Variants in LRRC3B observed in about 807,000 individuals in gnomAD.
LRRC3B encodes the protein leucine rich repeat containing 3B, also known as leucine-rich repeat-containing protein 3B.
In LRRC3B, 2 loss-of-function variants were observed where a neutral mutation model predicts 12.8. The observed-to-expected ratio is 0.16, with a 90% CI of 0.06 to 0.49. The LOEUF (loss-of-function observed/expected upper bound fraction) is 0.49. Among genes scored for constraint, LRRC3B ranks in the 20% least tolerant of loss-of-function variants. The pLI is 0.96. For missense variants in LRRC3B, 189 were observed against 319.4 expected (o/e 0.59, Z 3.11); for synonymous variants, 132 against 122.0 (o/e 1.08, Z -0.54).
intron 1 of LRRC3B, among the ~76,000 whole-genome samples, chr3:26,698,785 T>C (rs1700381150): frequency 6.6e-6 from 1 of 152,158 alleles, no homozygotes; most frequent in Non-Finnish European, 1.5e-5. Flanking sequence ...TACCCCAAAA[T>C]ACTTCAGTAT....
intron 1 of LRRC3B, among the ~76,000 whole-genome samples, chr3:26,626,181 T>C (rs991980274): frequency 6.6e-6 from 1 of 152,224 alleles, no homozygotes; most frequent in Non-Finnish European, 1.5e-5. Flanking sequence ...GGGGTACACC[T>C]TGGTATAGTG....
intron 1 of LRRC3B, among the ~76,000 whole-genome samples, chr3:26,666,155 A>G (rs530269854): frequency 4.9e-4 from 74 of 152,282 alleles, no homozygotes; most frequent in Non-Finnish European, 6.0e-4. Flanking sequence ...AGTACTGAGT[A>G]TGATCTGGAT....
At chr3:26,658,892 T>C (rs764627777) in intron 1 of LRRC3B, among the ~76,000 whole-genome samples, 8 of 152,176 alleles carry the variant, frequency 5.3e-5, no homozygotes, top group Admixed American at 1.3e-4. Flanking sequence ...ACAAATTACC[T>C]GAAAAAAGGA....
chr3:26,655,177 T>C (rs896989417), intron 1 of LRRC3B, among the ~76,000 whole-genome samples: 1 of 152,160 alleles, frequency 6.6e-6, no homozygotes, highest in Non-Finnish European at 1.5e-5. Context: ...AAATAAAAAT[T>C]GTTTCTTCTT....
At chr3:26,675,035 A>T (rs1699828782) in intron 1 of LRRC3B, among the ~76,000 whole-genome samples, 1 of 152,198 alleles carries the variant, frequency 6.6e-6, no homozygotes, top group Non-Finnish European at 1.5e-5. Flanking sequence ...AGGCAGAAAG[A>T]ACAAGAAATC....
At chr3:26,648,865 G>T (rs1452823934) in intron 1 of LRRC3B, among the ~76,000 whole-genome samples, 1 of 152,176 alleles carries the variant, frequency 6.6e-6, no homozygotes, top group Admixed American at 6.5e-5. Context: ...CTGTAATAAA[G>T]ACAATGAGTA....
chr3:26,647,449 A>G (rs1021184561), intron 1 of LRRC3B, among the ~76,000 whole-genome samples: 2 of 152,188 alleles, frequency 1.3e-5, no homozygotes, highest in Non-Finnish European at 2.9e-5. Flanking sequence ...TTGGAACTCT[A>G]AAAGAAGCAG....
rs1172817660 is a variant in LRRC3B, at chr3:26,678,058, C to G, written c.-160-31455C>G. Among the ~76,000 whole-genome samples, 8 of 152,092 alleles carry G rather than the reference C, an allele frequency of 5.3e-5. No homozygotes were observed. The East Asian group carries it at 1.5e-3, about 29-fold the overall frequency. The stretch of plus-strand genomic sequence containing the variant: ...TCTCAAACTCCTGGGTTCAAGTGAC[C>G]AACCTGCCTTGGCCTCCCAAAGTGC... On this transcript the variant is annotated intron_variant, in intron 1 of 1. Coordinates refer to ENST00000396641, the Ensembl canonical transcript of LRRC3B.
At chr3:26,698,188 A>G (rs920944497) in intron 1 of LRRC3B, among the ~76,000 whole-genome samples, 4 of 152,194 alleles carry the variant, frequency 2.6e-5, no homozygotes, top group African/African-American at 4.8e-5. Flanking sequence ...CTGAGAGTTT[A>G]TCTTGTAAAA....
At chr3:26,693,237 G>C (rs1700230296) in intron 1 of LRRC3B, among the ~76,000 whole-genome samples, 1 of 148,076 alleles carries the variant, frequency 6.8e-6, no homozygotes, top group Non-Finnish European at 1.5e-5. Context: ...GCTGAGGCAG[G>C]AGAATGGCGT....
In LRRC3B at chr3:26,702,882, G is replaced by A. The variant is rs563582324; in HGVS notation, c.-160-6631G>A. 4.6e-5 allele frequency among the ~76,000 whole-genome samples: 7 copies of A among 152,286 alleles called. No individual in the cohort carries two copies. The South Asian group carries it at 1.5e-3, about 32-fold the overall frequency. Reference sequence around the variant, plus strand: ...GGGAGGGAAGACAGGGTGGTCTACAGTGGAGGCGGGAGTCATTGGGTAAAG... The same window carrying A: ...GGGAGGGAAGACAGGGTGGTCTACAATGGAGGCGGGAGTCATTGGGTAAAG... On this transcript the variant is annotated intron_variant, in intron 1 of 1. Transcript: ENST00000396641.
chr3:26,636,675 T>A (rs1698879420), intron 1 of LRRC3B, among the ~76,000 whole-genome samples: 4 of 152,142 alleles, frequency 2.6e-5, no homozygotes, highest in Admixed American at 2.6e-4. Context: ...CAGGGGTGTT[T>A]CTAAATGTTA....
chr3:26,634,222 C>G (rs1041302105), intron 1 of LRRC3B, among the ~76,000 whole-genome samples: 5 of 152,192 alleles, frequency 3.3e-5, no homozygotes, highest in African/African-American at 1.2e-4. Context: ...GTCTTTCATG[C>G]CTTGCTGTGA....
At chr3:26,682,260 T>C (rs1281486971) in intron 1 of LRRC3B, among the ~76,000 whole-genome samples, 2 of 152,146 alleles carry the variant, frequency 1.3e-5, no homozygotes, top group African/African-American at 4.8e-5. Flanking sequence ...CTTGTCCAAC[T>C]GTTTTTCAAG....
intron 1 of LRRC3B, among the ~76,000 whole-genome samples, chr3:26,666,346 T>C (rs1011775307): frequency 1.3e-5 from 2 of 152,080 alleles, no homozygotes; most frequent in Non-Finnish European, 2.9e-5. Flanking sequence ...CAATTATTTT[T>C]TTCAGCCATA....
chr3:26,641,373 A>T (rs1368163349), intron 1 of LRRC3B, among the ~76,000 whole-genome samples: 1 of 152,212 alleles, frequency 6.6e-6, no homozygotes, highest in Non-Finnish European at 1.5e-5. Flanking sequence ...TAACACTGCC[A>T]GTCAGGAGAT....
At chr3:26,639,719 C>A (rs1280286861) in intron 1 of LRRC3B, among the ~76,000 whole-genome samples, 1 of 152,172 alleles carries the variant, frequency 6.6e-6, no homozygotes, top group Non-Finnish European at 1.5e-5. Flanking sequence ...TTTAAACTCA[C>A]TGGAAATGTT....
At chr3:26,650,638 C>A (rs1444685139) in intron 1 of LRRC3B, among the ~76,000 whole-genome samples, 2 of 152,060 alleles carry the variant, frequency 1.3e-5, no homozygotes, top group Non-Finnish European at 2.9e-5. Context: ...ATAAAATACC[C>A]CTTCTTTTCC....
chr3:26,647,256 C>A (rs188072218), intron 1 of LRRC3B, among the ~76,000 whole-genome samples: 33 of 152,270 alleles, frequency 2.2e-4, no homozygotes, highest in Non-Finnish European at 3.7e-4. Flanking sequence ...GGTTTTTCTT[C>A]ATGGCGTTTC....
Sources: allele counts gnomAD v4.1 joint callset (sites outside exome capture counted in the v4.1 genomes callset), GRCh38; gene constraint gnomAD v4.1.1; transcripts MANE v1.5; gene names NCBI Gene and HGNC (gene_info 2026-07-23, HGNC 2026-07-21).